KLRG1: variants seen among roughly 807,000 people sequenced by gnomAD.
KLRG1 encodes killer cell lectin-like receptor subfamily G member 1.
KLRG1 carries 16 observed loss-of-function variants against 21.8 expected under a neutral mutation model. The ratio of observed to expected loss-of-function variants is 0.73; its 90% CI spans 0.50 to 1.11. KLRG1 has a LOEUF of 1.11. KLRG1 is among the 50% of genes most tolerant of loss of function. The pLI, the probability that KLRG1 is intolerant of heterozygous loss-of-function variation, is 0.00. For synonymous variants in KLRG1, 69 were observed against 75.9 expected (o/e 0.91, Z 0.47); for missense variants, 173 against 218.3 (o/e 0.79, Z 1.31).
the KLRG1 span, among the ~76,000 whole-genome samples, chr12:9,057,095 TG>T: frequency 6.6e-6 from 1 of 152,200 alleles, no homozygotes; most frequent in Non-Finnish European, 1.5e-5. Flanking sequence ...CAGGTAGTTT[TG>T]GCAGTAGTTT....
At chr12:8,999,422 C>A (rs1947240241) in intron 3 of KLRG1, among the ~76,000 whole-genome samples, 1 of 152,226 alleles carries the variant, frequency 6.6e-6, no homozygotes, top group African/African-American at 2.4e-5. Context: ...TATGATCCAA[C>A]TTTACTCTTG....
chr12:9,007,287 G>A (rs560781678), intron 3 of KLRG1, among the ~76,000 whole-genome samples: 2 of 152,080 alleles, frequency 1.3e-5, no homozygotes, highest in Admixed American at 6.5e-5. Context: ...TTGAGACAGA[G>A]CCTCACTCCG....
chr12:9,006,107 A>G (rs776124339), intron 3 of KLRG1, among the ~76,000 whole-genome samples: 3 of 152,196 alleles, frequency 2.0e-5, no homozygotes, highest in Non-Finnish European at 4.4e-5. Flanking sequence ...TCCCAACACA[A>G]AGAAATAGTA....
chr12:9,068,439 G>A, the KLRG1 span, among the ~76,000 whole-genome samples: 2 of 152,082 alleles, frequency 1.3e-5, no homozygotes, highest in Admixed American at 1.3e-4. Flanking sequence ...CCAAACTCCT[G>A]AAGGACTCTT....
the KLRG1 span, among the ~76,000 whole-genome samples, chr12:9,155,316 G>C: frequency 6.6e-6 from 1 of 151,806 alleles, no homozygotes; most frequent in Admixed American, 6.6e-5. Context: ...CTCTCCAACT[G>C]AATCAGTCCG....
Position 9,010,133 on chromosome 12 carries a change from C to CCGA in KLRG1, c.*596_*597insCGA. On this transcript the variant is annotated 3_prime_UTR_variant, in exon 5 of 5. Coordinates refer to ENST00000356986, the MANE Select transcript of KLRG1 (RefSeq NM_005810.4). ...CCCAGGAGTTTGAGGCTGCAGTGAG[C>CCGA]TATGATTGTGCCACTGTACTCCAGC... The CCGA allele has an allele frequency of 1.2e-6, 1 of 802,364 alleles. No homozygotes were observed. Among genetic ancestry groups the CCGA allele is most frequent in the Non-Finnish European group, 2.0e-6 (1 of 496,276 alleles). 49.7% of individuals were successfully genotyped at this position (802,364 alleles called of 1,614,324 possible). A position where few individuals can be genotyped will look rare whatever the true frequency, so the allele number is the denominator to read the frequency against.
intron 1 of KLRG1, among the ~76,000 whole-genome samples, chr12:8,974,877 A>G (rs767768991): frequency 8.0e-5 from 12 of 150,386 alleles, no homozygotes; most frequent in Admixed American, 4.0e-4. Context: ...AATTATGAGG[A>G]GGCATTACCT....
chr12:8,975,008 A>G (rs7314942), intron 1 of KLRG1, among the ~76,000 whole-genome samples: 57,912 of 151,192 alleles, frequency 0.38, 11,638 homozygotes, highest in South Asian at 0.44. Context: ...CAATTCTCCT[A>G]CCTCAGCCTC....
At chr12:9,067,719 GAA>G in the KLRG1 span, 2 of 995,644 alleles carry the variant, frequency 2.0e-6, no homozygotes, top group Non-Finnish European at 3.1e-6. Flanking sequence ...ACATTGACCA[GAA>G]AAAGTGTTTA....
chr12:9,061,786 A>T, the KLRG1 span, among the ~76,000 whole-genome samples: 6 of 152,114 alleles, frequency 3.9e-5, no homozygotes, highest in Non-Finnish European at 8.8e-5. Flanking sequence ...GGTGATGACC[A>T]TTTTTTTAGT....
the KLRG1 span, among the ~76,000 whole-genome samples, chr12:9,212,738 GA>G: frequency 1.9e-4 from 28 of 148,218 alleles, no homozygotes; most frequent in African/African-American, 5.0e-4. Context: ...CATTGAATCT[GA>G]AAAAAAAAAC....
chr12:9,068,055 T>G, the KLRG1 span: 1 of 1,162,476 alleles, frequency 8.6e-7, no homozygotes, highest in South Asian at 1.4e-5. Flanking sequence ...TGTTTTTCTA[T>G]AATAATGTGC....
intron 1 of KLRG1, among the ~76,000 whole-genome samples, chr12:8,951,722 C>T (rs1946209147): frequency 6.6e-6 from 1 of 152,162 alleles, no homozygotes; most frequent in African/African-American, 2.4e-5. Context: ...ACAAAAATCC[C>T]TGTTACAATC....
the KLRG1 span, among the ~76,000 whole-genome samples, chr12:9,212,330 C>T: frequency 5.9e-5 from 9 of 152,184 alleles, no homozygotes; most frequent in Admixed American, 5.2e-4. Context: ...TACCAGGGCA[C>T]TTGTGAGCAT....
At chr12:9,166,354 A>G in the KLRG1 span, 2 of 704,524 alleles carry the variant, frequency 2.8e-6, no homozygotes, top group Non-Finnish European at 4.6e-6. Context: ...ATACTTTGTG[A>G]TCCCTCATTC....
At chr12:9,156,312 C>T in the KLRG1 span, 1 of 212,042 alleles carries the variant, frequency 4.7e-6, no homozygotes, top group Non-Finnish European at 1.0e-5. Context: ...TCATCAATGT[C>T]ACCCTTTGTC....
chr12:9,165,736 T>C, the KLRG1 span, among the ~76,000 whole-genome samples: 2 of 152,246 alleles, frequency 1.3e-5, no homozygotes, highest in Non-Finnish European at 2.9e-5. Context: ...CTGATTTGTT[T>C]ATGTGCCTGC....
At chr12:8,952,940 G>A (rs991428430) in intron 1 of KLRG1, among the ~76,000 whole-genome samples, 3 of 152,050 alleles carry the variant, frequency 2.0e-5, no homozygotes, top group African/African-American at 7.2e-5. Flanking sequence ...ATAGGTACTG[G>A]CCACTTGTTT....
chr12:9,163,496 A>G, the KLRG1 span, among the ~76,000 whole-genome samples: 1 of 152,230 alleles, frequency 6.6e-6, no homozygotes, highest in South Asian at 2.1e-4. Flanking sequence ...TGTGAAAAAA[A>G]ATTTACAATA....
Sources: gnomAD v4.1 joint callset for allele counts (sites outside exome capture counted in the v4.1 genomes callset) on GRCh38, gnomAD v4.1.1 for gene constraint, MANE v1.5 for transcripts, NCBI Gene and HGNC (gene_info 2026-07-23, HGNC 2026-07-21) for gene names.